GPHN: variants seen among roughly 807,000 people sequenced by gnomAD.
GPHN encodes gephyrin.
A neutral mutation model predicts 95.5 loss-of-function variants in GPHN; 17 were observed. That is an observed-to-expected ratio of 0.18 (90% CI 0.12 to 0.27). The LOEUF (loss-of-function observed/expected upper bound fraction) is 0.27. Ranked by LOEUF, GPHN falls within the 10% of genes least tolerant of loss-of-function variation. GPHN has a pLI of 1.00. For missense variants in GPHN, 660 were observed against 978.1 expected (o/e 0.67, Z 4.34); for synonymous variants, 320 against 322.5 (o/e 0.99, Z 0.08).
chr14:66,888,084 G>A (rs775695186), intron 5 of GPHN, among the ~76,000 whole-genome samples: 3 of 151,920 alleles, frequency 2.0e-5, no homozygotes, highest in Admixed American at 6.6e-5. Context: ...TCTGAGAAAC[G>A]AAAAAACAGA....
intron 5 of GPHN, among the ~76,000 whole-genome samples, chr14:66,904,404 T>A (rs948666252): frequency 1.3e-5 from 2 of 152,146 alleles, no homozygotes; most frequent in African/African-American, 4.8e-5. Context: ...TTTACAAATC[T>A]CTAGCTAGCC....
chr14:66,578,966 A>G lies in GPHN; in HGVS notation c.64+70375A>G, dbSNP rs1166501189. On this transcript the variant is annotated intron_variant, in intron 1 of 22. Coordinates refer to ENST00000478722, the MANE Select transcript of GPHN (RefSeq NM_020806.5). Reference sequence around the variant, plus strand: ...TACAATGGTGGTGTGTAAATCAATTATATCTTTAGTAAGAAGGTTAAATAT... The same window carrying G: ...TACAATGGTGGTGTGTAAATCAATTGTATCTTTAGTAAGAAGGTTAAATAT... Among the ~76,000 whole-genome samples, 14 of 152,030 alleles carry G rather than the reference A, an allele frequency of 9.2e-5. No individual in the cohort carries two copies. In the Middle Eastern group the frequency reaches 0.017, roughly 185 times the overall value.
chr14:67,350,261 A>C, the GPHN span, among the ~76,000 whole-genome samples: 17 of 152,224 alleles, frequency 1.1e-4, no homozygotes, highest in African/African-American at 4.1e-4. Flanking sequence ...TTTCCCTAAT[A>C]TTCCAAAAAA....
chr14:67,153,384 G>C (rs966973851), intron 18 of GPHN, among the ~76,000 whole-genome samples: 1 of 152,178 alleles, frequency 6.6e-6, no homozygotes, highest in Non-Finnish European at 1.5e-5. Context: ...ATGGGTTCTG[G>C]TGAGGGCCCT....
At chr14:67,093,553 T>C (rs1403665576) in intron 12 of GPHN, among the ~76,000 whole-genome samples, 1 of 152,056 alleles carries the variant, frequency 6.6e-6, no homozygotes, top group African/African-American at 2.4e-5. Flanking sequence ...GTAATACTCA[T>C]GTGAATAGAT....
chr14:67,355,147 C>T, the GPHN span, among the ~76,000 whole-genome samples: 1 of 152,054 alleles, frequency 6.6e-6, no homozygotes, highest in African/African-American at 2.4e-5. Flanking sequence ...ACCACATTTT[C>T]TATTAAAAGT....
chr14:67,502,386 C>A, the GPHN span, among the ~76,000 whole-genome samples: 1 of 148,962 alleles, frequency 6.7e-6, no homozygotes, highest in African/African-American at 2.5e-5. Flanking sequence ...AGGACCCAAA[C>A]TTTTGTTATA....
intron 10 of GPHN, among the ~76,000 whole-genome samples, chr14:67,027,976 A>C (rs990859285): frequency 6.6e-6 from 1 of 152,126 alleles, no homozygotes; most frequent in African/African-American, 2.4e-5. Context: ...ATTAGAACTT[A>C]TTCATTCTAT....
chr14:67,521,233 A>G, the GPHN span, among the ~76,000 whole-genome samples: 1 of 152,366 alleles, frequency 6.6e-6, no homozygotes, highest in Admixed American at 6.5e-5. Context: ...AGGTAACTTC[A>G]TAAATTACAT....
the GPHN span, among the ~76,000 whole-genome samples, chr14:67,685,514 G>A: frequency 2.6e-5 from 4 of 151,922 alleles, no homozygotes; most frequent in African/African-American, 7.3e-5. Context: ...TTAGAGATGG[G>A]GTCTCCCTAT....
At chr14:66,509,376 C>G (rs978901324) in intron 1 of GPHN, 1 of 152,364 alleles carries the variant, frequency 6.6e-6, no homozygotes, top group African/African-American at 2.4e-5. Flanking sequence ...CTGGGAACCC[C>G]CACCCCGGTA....
the GPHN span, among the ~76,000 whole-genome samples, chr14:67,481,955 A>T: frequency 9.7e-4 from 148 of 152,338 alleles, 1 homozygote; most frequent in African/African-American, 3.3e-3. Context: ...ATTGAAGAGG[A>T]GGAGAGTGTG....
intron 4 of GPHN, among the ~76,000 whole-genome samples, chr14:66,825,663 TA>T (rs1373107082): frequency 2.0e-5 from 3 of 150,166 alleles, no homozygotes; most frequent in African/African-American, 4.9e-5. Context: ...TTTTAAGAAT[TA>T]TTTTTTTTCT....
the GPHN span, among the ~76,000 whole-genome samples, chr14:67,540,158 A>C: frequency 6.6e-6 from 1 of 152,224 alleles, no homozygotes; most frequent in Non-Finnish European, 1.5e-5. Context: ...GAGAGATCAT[A>C]TAAAGAACTC....
chr14:66,606,607 G>T (rs1334710867), intron 1 of GPHN, among the ~76,000 whole-genome samples: 1 of 152,068 alleles, frequency 6.6e-6, no homozygotes, highest in African/African-American at 2.4e-5. Context: ...CAATTCATGG[G>T]CATGGAATAT....
intron 3 of GPHN, among the ~76,000 whole-genome samples, chr14:66,804,017 C>G (rs1160300380): frequency 1.3e-5 from 2 of 150,322 alleles, no homozygotes; most frequent in East Asian, 4.0e-4. Context: ...TTTTTTTGTT[C>G]TGTTTTTTCC....
At chr14:67,460,620 C>T in the GPHN span, among the ~76,000 whole-genome samples, 1 of 152,184 alleles carries the variant, frequency 6.6e-6, no homozygotes, top group African/African-American at 2.4e-5. Flanking sequence ...AGGAGAATTG[C>T]TTGAACACGG....
the GPHN span, among the ~76,000 whole-genome samples, chr14:67,526,550 C>T: frequency 6.6e-6 from 1 of 152,208 alleles, no homozygotes; most frequent in Non-Finnish European, 1.5e-5. Context: ...AGCCCCCTTC[C>T]CTGAAACGAC....
chr14:67,683,144 C>T, the GPHN span, among the ~76,000 whole-genome samples: 1 of 152,220 alleles, frequency 6.6e-6, no homozygotes, highest in African/African-American at 2.4e-5. Context: ...TGGTGGTCTA[C>T]ACGGCTGCTG....
Sources: allele counts gnomAD v4.1 joint callset (sites outside exome capture counted in the v4.1 genomes callset), GRCh38; gene constraint gnomAD v4.1.1; transcripts MANE v1.5; gene names NCBI Gene and HGNC (gene_info 2026-07-23, HGNC 2026-07-21).